The following ZNF385D variants were observed in gnomAD, a reference collection of about 807,000 sequenced individuals.
ZNF385D encodes the protein zinc finger protein 385D, also known as zinc finger protein 659.
Under a neutral mutation model 35.8 loss-of-function variants are expected in ZNF385D, and 15 were observed. That is an observed-to-expected ratio of 0.42 (90% CI 0.28 to 0.64). ZNF385D has a LOEUF of 0.64. ZNF385D is among the 30% of genes least tolerant of loss of function. The pLI, the probability that ZNF385D is intolerant of heterozygous loss-of-function variation, is 0.23. For synonymous variants in ZNF385D, 212 were observed against 186.8 expected (o/e 1.13, Z -1.10); for missense variants, 474 against 494.6 (o/e 0.96, Z 0.39).
chr3:22,017,904 C>G (rs1696986539), intron 3 of ZNF385D, among the ~76,000 whole-genome samples: 1 of 151,760 alleles, frequency 6.6e-6, no homozygotes, highest in Non-Finnish European at 1.5e-5. Context: ...TTTGCCTATT[C>G]AATTTATTTT....
chr3:21,889,846 G>A (rs1357851458), intron 3 of ZNF385D, among the ~76,000 whole-genome samples: 2 of 152,128 alleles, frequency 1.3e-5, no homozygotes, highest in African/African-American at 2.4e-5. Context: ...CCCCTCTGAA[G>A]GTGCCACAGA....
chr3:21,423,008 CAT>C lies in ZNF385D; in HGVS notation c.954+953_954+954del, dbSNP rs1473355545. Among the ~76,000 whole-genome samples, 4 of 152,200 alleles carry C rather than the reference CAT, an allele frequency of 2.6e-5. No individual in the cohort carries two copies. The East Asian group carries it at 7.8e-4, about 29-fold the overall frequency. On this transcript the variant is annotated intron_variant, in intron 7 of 7. Transcript: ENST00000281523. The stretch of plus-strand genomic sequence containing the variant: ...CCAGGGCAATTGGGCAAGAGAAAAA[CAT>C]AAAGGGAATCCACATAAGAAGAGAA...
rs763758777 is a variant in ZNF385D, at chr3:21,413,006, T to C, written c.*8208A>G. On this transcript the variant is annotated 3_prime_UTR_variant, in exon 8 of 8. Transcript: ENST00000281523. ...GAAGACTGGCATAAAACAAACTATG[T>C]GAATTGCCTTAATTATTATTATTAT... 6.7e-6 allele frequency: 1 copy of C among 149,380 alleles called. No homozygotes were observed. The highest frequency in any genetic ancestry group is 1.5e-5 in the Non-Finnish European group (1 of 67,454). 9.3% of individuals were successfully genotyped at this position (149,380 alleles called of 1,614,324 possible).
At chr3:21,921,114 T>C (rs1379348416) in intron 3 of ZNF385D, among the ~76,000 whole-genome samples, 1 of 147,486 alleles carries the variant, frequency 6.8e-6, no homozygotes, top group Non-Finnish European at 1.5e-5. Context: ...TCCCAGCTAC[T>C]CGGGAGGCTG....
At chr3:21,605,763 G>A (rs2064460909) in intron 2 of ZNF385D, among the ~76,000 whole-genome samples, 1 of 152,158 alleles carries the variant, frequency 6.6e-6, no homozygotes, top group South Asian at 2.1e-4. Flanking sequence ...ACCATCTGGT[G>A]AGTGATCATT....
At chr3:21,771,166 C>G (rs1450672320) in intron 3 of ZNF385D, among the ~76,000 whole-genome samples, 6 of 151,506 alleles carry the variant, frequency 4.0e-5, no homozygotes, top group African/African-American at 1.2e-4. Flanking sequence ...GTGCAGCACA[C>G]CAACATGGCA....
intron 2 of ZNF385D, among the ~76,000 whole-genome samples, chr3:22,260,765 T>C (rs536486171): frequency 7.3e-4 from 111 of 152,150 alleles, no homozygotes; most frequent in Non-Finnish European, 1.4e-3. Context: ...GTTTTAGTTA[T>C]AGTCTTAATT....
At chr3:22,355,154 C>T (rs962069602) in intron 2 of ZNF385D, among the ~76,000 whole-genome samples, 5 of 151,934 alleles carry the variant, frequency 3.3e-5, no homozygotes, top group African/African-American at 9.7e-5. Context: ...AATGCATTTT[C>T]GTTCCTTTAT....
intron 3 of ZNF385D, among the ~76,000 whole-genome samples, chr3:22,043,928 A>G (rs566437417): frequency 5.3e-5 from 8 of 152,252 alleles, no homozygotes; most frequent in African/African-American, 1.9e-4. Flanking sequence ...ACCAACAGCT[A>G]GCAAGGACTT....
chr3:21,744,205 C>T (rs2069654324), intron 1 of ZNF385D, among the ~76,000 whole-genome samples: 1 of 152,096 alleles, frequency 6.6e-6, no homozygotes, highest in Admixed American at 6.6e-5. Flanking sequence ...TGTCTACTTC[C>T]CACAATGGGT....
intron 3 of ZNF385D, among the ~76,000 whole-genome samples, chr3:21,910,132 A>C (rs1332057971): frequency 6.8e-6 from 1 of 147,630 alleles, no homozygotes; most frequent in Non-Finnish European, 1.5e-5. Flanking sequence ...CCTTCTTTCT[A>C]GACCATCTTT....
intron 1 of ZNF385D, among the ~76,000 whole-genome samples, chr3:21,736,844 T>C (rs948066640): frequency 3.9e-5 from 6 of 152,256 alleles, no homozygotes; most frequent in Admixed American, 6.5e-5. Flanking sequence ...TTTTTAATGA[T>C]AGAAATATAT....
intron 2 of ZNF385D, among the ~76,000 whole-genome samples, chr3:22,278,069 A>G (rs988075054): frequency 7.9e-5 from 12 of 152,018 alleles, no homozygotes; most frequent in African/African-American, 2.9e-4. Flanking sequence ...ATTTTGTAAT[A>G]ATCTGCTTTA....
In ZNF385D at chr3:22,295,721, T is replaced by C. The variant is rs1427159778; in HGVS notation, c.106+76729A>G. Among the ~76,000 whole-genome samples the C allele has an allele frequency of 2.5e-4, 38 of 152,256 alleles. 1 individual carries two copies. Among genetic ancestry groups the C allele is most frequent in the East Asian group, 1.9e-4 (1 of 5,182 alleles). On this transcript the variant is annotated intron_variant, in intron 2 of 5. Coordinates refer to the ZNF385D transcript ENST00000494108. ...TACTTTATATGCACACCTCATAGTCTGACTTCGGATGTTTTAGGCACAAAT... is the reference window on the plus strand; with the variant it reads ...TACTTTATATGCACACCTCATAGTCCGACTTCGGATGTTTTAGGCACAAAT...
chr3:21,591,201 A>G (rs1340821970), intron 2 of ZNF385D, among the ~76,000 whole-genome samples: 5 of 152,086 alleles, frequency 3.3e-5, no homozygotes, highest in African/African-American at 1.2e-4. Flanking sequence ...AAACAAAACA[A>G]AGTTTCATGA....
At chr3:21,955,816 G>C (rs1248506400) in intron 3 of ZNF385D, among the ~76,000 whole-genome samples, 1 of 152,016 alleles carries the variant, frequency 6.6e-6, no homozygotes, top group African/African-American at 2.4e-5. Context: ...AGTACTACTG[G>C]TGTGACACAG....
At chr3:22,253,632 G>A (rs889684633) in intron 2 of ZNF385D, among the ~76,000 whole-genome samples, 1 of 151,858 alleles carries the variant, frequency 6.6e-6, no homozygotes, top group African/African-American at 2.4e-5. Context: ...TTTTTTTCAG[G>A]TTTAATGCAA....
At chr3:22,172,473 G>T (rs1370156668) in intron 2 of ZNF385D, among the ~76,000 whole-genome samples, 1 of 152,324 alleles carries the variant, frequency 6.6e-6, no homozygotes, top group South Asian at 2.1e-4. Context: ...TCTTGCAGTT[G>T]ATTTATTTAG....
chr3:22,105,136 T>G (rs762461377), intron 3 of ZNF385D, among the ~76,000 whole-genome samples: 5 of 152,146 alleles, frequency 3.3e-5, no homozygotes, highest in Non-Finnish European at 7.4e-5. Flanking sequence ...CTTATCTATT[T>G]ACATACATGT....
Sources: gnomAD v4.1 joint callset for allele counts (sites outside exome capture counted in the v4.1 genomes callset) on GRCh38, gnomAD v4.1.1 for gene constraint, MANE v1.5 for transcripts, NCBI Gene and HGNC (gene_info 2026-07-23, HGNC 2026-07-21) for gene names.